FGD1: variants seen among roughly 807,000 people sequenced by gnomAD.
The protein encoded by FGD1 is FYVE, RhoGEF and PH domain-containing protein 1.
A neutral mutation model predicts 65.0 loss-of-function variants in FGD1; 12 were observed. That is an observed-to-expected ratio of 0.18 (90% CI 0.12 to 0.30). The LOEUF is 0.30. Among genes scored for constraint, FGD1 ranks in the 10% least tolerant of loss-of-function variants. The pLI, the probability that FGD1 is intolerant of heterozygous loss-of-function variation, is 1.00. For synonymous variants in FGD1, 333 were observed against 343.9 expected (o/e 0.97, Z 0.35); for missense variants, 542 against 837.6 (o/e 0.65, Z 4.36).
At chrX:54,483,174 G>A (rs1275846624) in intron 1 of FGD1, among the ~76,000 whole-genome samples, 1 of 111,899 alleles carries the variant, frequency 8.9e-6, no homozygotes, top group East Asian at 2.8e-4. Context: ...TCCAGAGAGA[G>A]AGAAGCAGTC....
At chrX:54,463,142 C>T (rs1156369332) in intron 8 of FGD1, among the ~76,000 whole-genome samples, 2 of 111,041 alleles carry the variant, frequency 1.8e-5, no homozygotes, top group African/African-American at 6.6e-5. Flanking sequence ...CCTCCTTTTA[C>T]ACTCACTCCC....
Position 54,455,483 on chromosome X carries a change from C to A in FGD1, c.1980G>T (p.Val660=). Residue 660 remains valine (V), a synonymous_variant, in exon 12 of 18, where the codon GTG becomes GTT. Coordinates refer to ENST00000375135, the MANE Select transcript of FGD1 (RefSeq NM_004463.3). ...SNLNLPRTFL[V]SGKQRSLELQ... ...GCTCGAGGGAGCGCTGCTTTCCTGACACCAGGAAGGTTCGAGGCAGATTGA... is the reference window on the plus strand; with the variant it reads ...GCTCGAGGGAGCGCTGCTTTCCTGAAACCAGGAAGGTTCGAGGCAGATTGA... The A allele has an allele frequency of 8.3e-7, 1 of 1,211,327 alleles. No individual in the cohort carries two copies. The highest frequency in any genetic ancestry group is 1.8e-5 in the South Asian group (1 of 56,982).
chrX:54,471,217 C>G, intron 2 of FGD1, 97 bp downstream of exon 2: 1 of 981,724 alleles, frequency 1.0e-6, no homozygotes, highest in Middle Eastern at 3.7e-4. Flanking sequence ...GGCTCCCTAT[C>G]CTTCTAACAA....
intron 16 of FGD1, 48 bp downstream of exon 16, chrX:54,448,758 G>C (rs376552943): frequency 3.4e-6 from 4 of 1,185,694 alleles, no homozygotes; most frequent in Non-Finnish European, 4.6e-6. Flanking sequence ...GGTAGAGTTG[G>C]AACCCATTTG....
At chrX:54,452,530 A>G (rs886469344) in intron 12 of FGD1, among the ~76,000 whole-genome samples, 1 of 109,929 alleles carries the variant, frequency 9.1e-6, no homozygotes, top group African/African-American at 3.3e-5. Context: ...GGCAGATCAC[A>G]AGGTCAGGAG....
Position 54,448,858 on chromosome X carries a change from C to G in FGD1, c.2384G>C (p.Ser795Thr). Residue 795 changes from serine to threonine, a missense_variant, in exon 16 of 18, where the codon AGC becomes ACC. Around this residue, in one of 6 missense-constraint regions of FGD1, gnomAD observed 182 missense variants for 311.4 expected, o/e 0.58. Coordinates refer to ENST00000375135, the MANE Select transcript of FGD1 (RefSeq NM_004463.3). Reference protein sequence around the residue: ...CYVALHGVPGSSPACSQHTPQ... With the variant: ...CYVALHGVPGTSPACSQHTPQ... ...TGTATGCTGGCTGCAGGCTGGACTG[C>G]TCCCAGGCACCCCGTGCAAGGCCAC... 1 of 1,211,719 alleles carries G rather than the reference C, an allele frequency of 8.3e-7. No individual in the cohort carries two copies. The highest frequency in any genetic ancestry group is 3.0e-5 in the East Asian group (1 of 33,823).
intron 1 of FGD1, among the ~76,000 whole-genome samples, chrX:54,477,418 C>T (rs1424650094): frequency 9.3e-6 from 1 of 107,611 alleles, no homozygotes; most frequent in Non-Finnish European, 1.9e-5. Flanking sequence ...AGATAAAATA[C>T]AGGACACTCA....
chrX:54,474,480 A>C (rs1458024225), intron 1 of FGD1, among the ~76,000 whole-genome samples: 1 of 112,706 alleles, frequency 8.9e-6, no homozygotes, highest in African/African-American at 3.2e-5. Flanking sequence ...CACTGAGGGA[A>C]CAGGGTGCCC....
intron 8 of FGD1, among the ~76,000 whole-genome samples, chrX:54,463,055 G>A (rs1922676092): frequency 9.0e-6 from 1 of 110,674 alleles, no homozygotes; most frequent in African/African-American, 3.3e-5. Flanking sequence ...GAGTCACCGC[G>A]CCCAGCCTAG....
Position 54,449,730 on chromosome X carries a change from G to C in FGD1, c.2077C>G (p.Gln693Glu). The change falls in exon 14 of 18, where the codon CAG becomes GAG. Residue 693 changes from glutamine (Q) to glutamate (E), a missense_variant. Physicochemically the swap from Gln to Glu is conservative, Grantham distance 29 (BLOSUM62 2). Coordinates refer to ENST00000375135, the MANE Select transcript of FGD1 (RefSeq NM_004463.3). ...AACAGTTTGAAAGTCTCCAGCGTCT[G>C]TTCATGCTTCAGGAGGGTGGAGTTG... ...AINSTLLKHE[Q>E]TLETFKLLNS... The C allele has an allele frequency of 8.3e-7, 1 of 1,207,891 alleles. No homozygotes were observed. Among genetic ancestry groups the C allele is most frequent in the Non-Finnish European group, 1.1e-6 (1 of 892,210 alleles).
At chrX:54,475,938 T>C (rs956294680) in intron 1 of FGD1, among the ~76,000 whole-genome samples, 29 of 111,709 alleles carry the variant, frequency 2.6e-4, no homozygotes, top group South Asian at 3.7e-4. Flanking sequence ...TGGTGGCGCA[T>C]GCCTGTAATA....
intron 16 of FGD1, among the ~76,000 whole-genome samples, chrX:54,448,551 C>G (rs1922297880): frequency 8.9e-6 from 1 of 112,304 alleles, no homozygotes; most frequent in Admixed American, 9.4e-5. Flanking sequence ...GCAAATGACC[C>G]CTCTGGGCCT....
chrX:54,482,142 C>T (rs757869803), intron 1 of FGD1, among the ~76,000 whole-genome samples: 6 of 111,769 alleles, frequency 5.4e-5, no homozygotes, highest in Non-Finnish European at 1.1e-4. Context: ...TGCAAACATA[C>T]AGATGGCCAT....
chrX:54,456,153 C>G (rs1922498299), intron 10 of FGD1, 67 bp downstream of exon 10: 2 of 1,133,467 alleles, frequency 1.8e-6, no homozygotes. Context: ...GAGTGAGTAC[C>G]AGGTCACTAT....
At chrX:54,448,676 T>C in intron 16 of FGD1, 130 bp downstream of exon 16, 1 of 617,933 alleles carries the variant, frequency 1.6e-6, no homozygotes. Context: ...TTGCCGTCAT[T>C]TTATTCACTC....
Position 54,470,146 on chromosome X carries a change from A to C in FGD1, c.971T>G (p.Leu324Trp). The C allele has an allele frequency of 8.3e-7, 1 of 1,210,375 alleles. No individual in the cohort carries two copies. Among genetic ancestry groups the C allele is most frequent in the Non-Finnish European group, 1.1e-6 (1 of 894,722 alleles). ...PPALASVPVA[L>W]ADPHRPGSQE... Reference sequence around the variant, plus strand: ...GGAGCCAGGCCGGTGGGGGTCGGCCAAGGCAACAGGCACACTAGCCAGGGC... The same window carrying C: ...GGAGCCAGGCCGGTGGGGGTCGGCCCAGGCAACAGGCACACTAGCCAGGGC... Residue 324 changes from leucine (L) to tryptophan (W), a missense_variant, in exon 4 of 18, where the codon TTG (leucine) becomes TGG (tryptophan). By Grantham distance (61) the Leu-to-Trp change is moderately conservative. Transcript: ENST00000375135.
At position 54,465,379 on chromosome X, in the gene FGD1, T is replaced by A. The variant is rs1309740095; in HGVS notation, c.1636+72A>T. On this transcript the variant is annotated intron_variant, in intron 8 of 17. Coordinates refer to ENST00000375135, the MANE Select transcript of FGD1 (RefSeq NM_004463.3). ...CGACCCTGTGAATTAAGTCTTGGGG[T>A]CCTGCCTCAGAGGTCTGGCCTAGAG... is the stretch of plus-strand genomic sequence containing the variant. 2.8e-6 allele frequency: 3 copies of A among 1,088,352 alleles called. No homozygotes were observed. In the Admixed American group the frequency reaches 8.0e-5, roughly 29 times the overall value. 89.7% of individuals were successfully genotyped at this position (1,088,352 alleles called of 1,213,427 possible). A position where few individuals can be genotyped will look rare whatever the true frequency, so the allele number is the denominator to read the frequency against.
Position 54,446,203 on chromosome X carries a change from A to C in FGD1, c.2792T>G (p.Leu931Arg). 1 of 1,211,793 alleles carries C rather than the reference A, an allele frequency of 8.3e-7. No homozygotes were observed. The highest frequency in any genetic ancestry group is 1.1e-6 in the Non-Finnish European group (1 of 895,386). Residue 931 changes from leucine (L) to arginine (R), a missense_variant, in exon 18 of 18, where the codon CTG becomes CGG. Physicochemically the swap from Leu to Arg is moderately radical, Grantham distance 102. Transcript: ENST00000375135. ...CTCCTCCATCTCCCTGTCCTCAGAC[A>C]GTGTGGGCCCCGGGCAGAACGTGTC... is the stretch of plus-strand genomic sequence containing the variant. ...RGDTFCPGPTLSEDREMEEAP... is the reference protein window; with the variant it reads ...RGDTFCPGPTRSEDREMEEAP...
At chrX:54,475,329 A>G (rs1230953632) in intron 1 of FGD1, among the ~76,000 whole-genome samples, 1 of 112,330 alleles carries the variant, frequency 8.9e-6, no homozygotes, top group Non-Finnish European at 1.9e-5. Context: ...TTTTGGGCAG[A>G]CTGGTCATGG....
Sources: gnomAD v4.1 joint callset for allele counts (sites outside exome capture counted in the v4.1 genomes callset) on GRCh38, gnomAD v4.1.1 for gene constraint, gnomAD v4.1.1 regional missense constraint, MANE v1.5 for transcripts, NCBI Gene and HGNC (gene_info 2026-07-23, HGNC 2026-07-21) for gene names.